The following PIGU variants were observed in gnomAD, a reference collection of about 807,000 sequenced individuals.
The protein encoded by PIGU is phosphatidylinositol glycan anchor biosynthesis class U.
In PIGU, 24 loss-of-function variants were observed where a neutral mutation model predicts 49.9. The ratio of observed to expected loss-of-function variants is 0.48; its 90% CI spans 0.35 to 0.68. The LOEUF (loss-of-function observed/expected upper bound fraction) is 0.68, where lower values mean the gene tolerates loss of function less well. PIGU is among the 30% of genes least tolerant of loss of function. The pLI is 0.01. For missense variants in PIGU, 490 were observed against 532.6 expected (o/e 0.92, Z 0.79); for synonymous variants, 220 against 205.7 (o/e 1.07, Z -0.59).
intron 2 of PIGU, among the ~76,000 whole-genome samples, chr20:34,652,354 T>A (rs866715822): frequency 6.6e-6 from 1 of 152,158 alleles, no homozygotes; most frequent in African/African-American, 2.4e-5. Flanking sequence ...ACCATTACAG[T>A]CAAGAAAGTG....
intron 2 of PIGU, among the ~76,000 whole-genome samples, chr20:34,653,734 A>C (rs1267106384): frequency 6.6e-6 from 1 of 152,242 alleles, no homozygotes; most frequent in East Asian, 1.9e-4. Context: ...AGGGGACAGC[A>C]CCTGTTTTGA....
In PIGU at chr20:34,669,884, T is replaced by C. The variant is rs573266851; in HGVS notation, c.130+7072A>G. ...CTGGGACCCTAAAAATTAAGAGAGA[T>C]TGAAAACACAAACAAAAACTTTTTT... On this transcript the variant is annotated intron_variant, in intron 1 of 11. Coordinates refer to ENST00000217446, the MANE Select transcript of PIGU (RefSeq NM_080476.5). Among the ~76,000 whole-genome samples, 18 of 152,032 alleles carry C rather than the reference T, an allele frequency of 1.2e-4. 1 individual carries two copies. In the South Asian group the frequency reaches 3.7e-3, roughly 32 times the overall value.
chr20:34,565,266 G>GT (rs11482957), intron 11 of PIGU, among the ~76,000 whole-genome samples: 125,156 of 150,738 alleles, frequency 0.83, 52,204 homozygotes, highest in Admixed American at 0.91. Flanking sequence ...GGCTCCTCTA[G>GT]TTTTTTTTTG....
At chr20:34,669,325 G>A (rs1987230497) in intron 1 of PIGU, among the ~76,000 whole-genome samples, 1 of 152,100 alleles carries the variant, frequency 6.6e-6, no homozygotes, top group Admixed American at 6.6e-5. Flanking sequence ...AGATCTCTCT[G>A]CAATATTTTT....
At chr20:34,668,569 A>C (rs1196053764) in intron 1 of PIGU, among the ~76,000 whole-genome samples, 1 of 151,130 alleles carries the variant, frequency 6.6e-6, no homozygotes, top group Non-Finnish European at 1.5e-5. Context: ...GGAGATCGAA[A>C]CCATCCTGGC....
intron 7 of PIGU, among the ~76,000 whole-genome samples, chr20:34,603,285 C>T (rs1418928682): frequency 2.0e-5 from 3 of 152,068 alleles, no homozygotes; most frequent in Non-Finnish European, 4.4e-5. Flanking sequence ...TGCTCAGTAC[C>T]TAGACCATAA....
chr20:34,564,844 AGGG>A lies in PIGU; in HGVS notation c.1195-3868_1195-3866del. On this transcript the variant is annotated intron_variant, in intron 11 of 11. Coordinates refer to ENST00000217446, the MANE Select transcript of PIGU (RefSeq NM_080476.5). Reference sequence around the variant, plus strand: ...GTGTGTGTGGAAATCTGGAGGATAAAGGGGGTGGCGGGAAGAGCCCTGTGAGCG... The same window carrying A: ...GTGTGTGTGGAAATCTGGAGGATAAAGGTGGCGGGAAGAGCCCTGTGAGCG... Among the ~76,000 whole-genome samples, 2 of 152,322 alleles carry A rather than the reference AGGG, an allele frequency of 1.3e-5. 1 individual carries two copies. Among genetic ancestry groups the A allele is most frequent in the Middle Eastern group, 6.8e-3 (2 of 294 alleles).
At chr20:34,611,839 C>T (rs1054715270) in intron 7 of PIGU, among the ~76,000 whole-genome samples, 1 of 151,960 alleles carries the variant, frequency 6.6e-6, no homozygotes, top group African/African-American at 2.4e-5. Context: ...GCTGGAATGG[C>T]GATCATTAAA....
intron 8 of PIGU, among the ~76,000 whole-genome samples, chr20:34,587,051 T>C (rs1983725957): frequency 6.6e-6 from 1 of 152,142 alleles, no homozygotes; most frequent in Non-Finnish European, 1.5e-5. Flanking sequence ...TCCCACCATA[T>C]CAAAGGTGTG....
intron 1 of PIGU, among the ~76,000 whole-genome samples, chr20:34,676,092 A>C (rs892453532): frequency 8.0e-5 from 12 of 149,794 alleles, no homozygotes. Context: ...CCTAGCTTCC[A>C]CCCCATTACT....
At chr20:34,675,268 AAGAG>A (rs34356144) in intron 1 of PIGU, among the ~76,000 whole-genome samples, 39,878 of 129,466 alleles carry the variant, frequency 0.31, 6,441 homozygotes, top group Admixed American at 0.44. Flanking sequence ...AAAAAAAAAA[AAGAG>A]AGAGAGAGAA....
intron 6 of PIGU, among the ~76,000 whole-genome samples, chr20:34,633,484 A>G (rs898688925): frequency 8.0e-5 from 12 of 149,418 alleles, no homozygotes; most frequent in African/African-American, 2.6e-4. Context: ...AAGAAAAAAC[A>G]AAACAAATAA....
rs189959388 is a variant in PIGU at position 34,637,951 on chromosome 20, T to C, written c.353A>G (p.Gln118Arg). The part of the protein sequence containing the change: ...KKQKLLLELD[Q>R]YAPDVAELIR... ...GAGTTCGGCCACATCTGGGGCATAC[T>C]GGTCCAGTTCTAGGAGGAGTTTCTG... The change falls in exon 5 of 12, where the codon CAG becomes CGG. Residue 118 changes from glutamine (Q) to arginine (R), a missense_variant. Coordinates refer to ENST00000217446, the MANE Select transcript of PIGU (RefSeq NM_080476.5). 157 of 1,599,234 alleles carry C rather than the reference T, an allele frequency of 9.8e-5. No individual in the cohort carries two copies. In the East Asian group the frequency reaches 2.9e-3, roughly 29 times the overall value.
chr20:34,599,510 G>T (rs1984331656), intron 7 of PIGU, among the ~76,000 whole-genome samples: 1 of 152,112 alleles, frequency 6.6e-6, no homozygotes, highest in South Asian at 2.1e-4. Flanking sequence ...TAAAGGTGTT[G>T]ATCAAACTAT....
At chr20:34,658,221 C>T (rs1208964472) in intron 1 of PIGU, among the ~76,000 whole-genome samples, 1 of 152,264 alleles carries the variant, frequency 6.6e-6, no homozygotes, top group Non-Finnish European at 1.5e-5. Context: ...TCTCCAGCTC[C>T]TAACCGCGAG....
At chr20:34,602,314 T>C (rs575964274) in intron 7 of PIGU, among the ~76,000 whole-genome samples, 2 of 147,920 alleles carry the variant, frequency 1.4e-5, no homozygotes, top group East Asian at 4.1e-4. Flanking sequence ...AATATATGTA[T>C]GGCTGGGTGC....
chr20:34,634,842 TC>T, intron 5 of PIGU, 127 bp from the exon 6 acceptor site: 1 of 1,420,838 alleles, frequency 7.0e-7, no homozygotes, highest in South Asian at 1.4e-5. Context: ...AGAAATGAGT[TC>T]CCCCAAATAA....
chr20:34,658,017 T>C (rs1487431704), intron 1 of PIGU, among the ~76,000 whole-genome samples: 4 of 150,232 alleles, frequency 2.7e-5, no homozygotes, highest in Non-Finnish European at 4.4e-5. Flanking sequence ...TCTCCCTCTC[T>C]TTCCACGGTC....
At chr20:34,583,928 C>T (rs969977701) in intron 9 of PIGU, among the ~76,000 whole-genome samples, 1 of 152,216 alleles carries the variant, frequency 6.6e-6, no homozygotes, top group Non-Finnish European at 1.5e-5. Flanking sequence ...GCTCTTGAAA[C>T]CTAAATCAAA....
Sources: allele counts gnomAD v4.1 joint callset (sites outside exome capture counted in the v4.1 genomes callset), GRCh38; gene constraint gnomAD v4.1.1; transcripts MANE v1.5; gene names NCBI Gene and HGNC (gene_info 2026-07-23, HGNC 2026-07-21).